Variants in TXNDC11 observed in about 807,000 individuals in gnomAD.
TXNDC11 encodes the protein thioredoxin domain containing 11.
In TXNDC11, 68 loss-of-function variants were observed where a neutral mutation model predicts 78.0. The observed-to-expected ratio is 0.87, with a 90% CI of 0.72 to 1.07. TXNDC11 has a LOEUF of 1.07. TXNDC11 is among the 50% of genes least tolerant of loss of function. The pLI, the probability that TXNDC11 is intolerant of heterozygous loss-of-function variation, is 0.00. For missense variants in TXNDC11, 1,389 were observed against 1,221.8 expected (o/e 1.14, Z -2.04); for synonymous variants, 571 against 495.2 (o/e 1.15, Z -2.03).
At position 11,691,401 on chromosome 16, in the gene TXNDC11, G is replaced by C. The variant is rs2050709797; in HGVS notation, c.1789C>G (p.Leu597Val). The C allele has an allele frequency of 1.2e-6, 2 of 1,614,090 alleles. No homozygotes were observed. Among genetic ancestry groups the C allele is most frequent in the African/African-American group, 2.7e-5 (2 of 74,942 alleles). Residue 597 changes from leucine to valine, a missense_variant, in exon 8 of 12, where the codon CTG becomes GTG. Coordinates refer to ENST00000283033, the MANE Select transcript of TXNDC11 (RefSeq NM_015914.7). ...ACCTGAGTGGAGCTCGGAGCACCCA[G>C]TCTCTCTGCATATAACCAAAACAAA... The part of the protein sequence containing the change: ...SNLFWLYAER[L>V]GAPSSTQVKE...
At chr16:11,689,087 C>CTTATTTTT (rs2050641339) in intron 8 of TXNDC11, among the ~76,000 whole-genome samples, 1 of 143,118 alleles carries the variant, frequency 7.0e-6, no homozygotes, top group African/African-American at 2.6e-5. Flanking sequence ...TTGAATTTCA[C>CTTATTTTT]TTTTTTTTTT....
At chr16:11,731,514 T>C (rs1004897274) in intron 3 of TXNDC11, among the ~76,000 whole-genome samples, 2 of 152,118 alleles carry the variant, frequency 1.3e-5, no homozygotes, top group East Asian at 1.9e-4. Flanking sequence ...CCAAATATAA[T>C]TGGATGGTAG....
At chr16:11,692,610 C>T (rs1191997130) in intron 7 of TXNDC11, among the ~76,000 whole-genome samples, 2 of 152,074 alleles carry the variant, frequency 1.3e-5, no homozygotes, top group Non-Finnish European at 2.9e-5. Flanking sequence ...AAGTGAAATT[C>T]GTGTGTAGTA....
At chr16:11,731,296 C>A (rs2052037165) in intron 3 of TXNDC11, among the ~76,000 whole-genome samples, 1 of 152,306 alleles carries the variant, frequency 6.6e-6, no homozygotes, top group South Asian at 2.1e-4. Context: ...CTATTTGAAG[C>A]TTTATTACAA....
intron 6 of TXNDC11, among the ~76,000 whole-genome samples, chr16:11,700,002 C>T (rs964159408): frequency 6.6e-6 from 1 of 152,222 alleles, no homozygotes; most frequent in African/African-American, 2.4e-5. Flanking sequence ...CAACTTCTCA[C>T]TGTGACTTGA....
At chr16:11,728,929 AGATGGAGAT>A (rs2051962846) in intron 4 of TXNDC11, among the ~76,000 whole-genome samples, 1 of 151,628 alleles carries the variant, frequency 6.6e-6, no homozygotes, top group Non-Finnish European at 1.5e-5. Context: ...TGAACCTGAG[AGATGGAGAT>A]TGCAGCGAGC....
At chr16:11,741,130 G>C (rs752944297) in intron 1 of TXNDC11, among the ~76,000 whole-genome samples, 60 of 152,098 alleles carry the variant, frequency 3.9e-4, no homozygotes, top group Admixed American at 9.2e-4. Context: ...ACAGTACCTG[G>C]CCTATGGAAA....
At chr16:11,741,291 T>C (rs117326464) in intron 1 of TXNDC11, among the ~76,000 whole-genome samples, 3,707 of 152,280 alleles carry the variant, frequency 0.024, 75 homozygotes, top group Non-Finnish European at 0.038. Context: ...ACAGATCTTA[T>C]AAACTGGAAT....
At position 11,742,622 on chromosome 16, in the gene TXNDC11, G is replaced by T. The variant is rs977073979; in HGVS notation, c.109C>A (p.Pro37Thr). 1.4e-6 allele frequency: 2 copies of T among 1,463,458 alleles called. No individual in the cohort carries two copies. The highest frequency in any genetic ancestry group is 1.5e-5 in the African/African-American group (1 of 67,868). The allele number at this position is 1,463,458 out of a possible 1,614,324, so 90.7% of individuals were successfully genotyped here. ...PAGSDCLSSS[P>T]TLATASSAGR... The stretch of plus-strand genomic sequence containing the variant: ...GCCGAGGACGCTGTGGCCAGGGTCG[G>T]GCTCGAGCTGAGGCAGTCTGAGCCC... The change falls in exon 1 of 12, where the codon CCG (proline) becomes ACG (threonine). Residue 37 changes from proline (P) to threonine (T), a missense_variant. Physicochemically the swap from Pro to Thr is conservative, Grantham distance 38. Coordinates refer to ENST00000283033, the MANE Select transcript of TXNDC11 (RefSeq NM_015914.7).
intron 5 of TXNDC11, among the ~76,000 whole-genome samples, chr16:11,714,731 G>C (rs944014461): frequency 6.6e-6 from 1 of 152,126 alleles, no homozygotes; most frequent in Admixed American, 6.5e-5. Flanking sequence ...TACCGACTCA[G>C]TTCTACAAGC....
At chr16:11,731,428 C>T (rs114848213) in intron 3 of TXNDC11, among the ~76,000 whole-genome samples, 1 of 152,278 alleles carries the variant, frequency 6.6e-6, no homozygotes, top group African/African-American at 2.4e-5. Context: ...GTGATACCAC[C>T]ACTATTCAGT....
At chr16:11,714,289 G>C (rs200065125) in intron 5 of TXNDC11, among the ~76,000 whole-genome samples, 1 of 152,184 alleles carries the variant, frequency 6.6e-6, no homozygotes, top group Non-Finnish European at 1.5e-5. Context: ...CTCGCAAAGT[G>C]CTAGGATTAC....
intron 10 of TXNDC11, among the ~76,000 whole-genome samples, chr16:11,685,648 CA>C (rs1375804851): frequency 0.014 from 1,969 of 142,146 alleles, 45 homozygotes; most frequent in African/African-American, 0.049. Context: ...GACTCCATCT[CA>C]AAAAAAAAAA....
chr16:11,692,089 T>TACA lies in TXNDC11; in HGVS notation c.1108-10_1108-8dup, dbSNP rs754285593. 5 of 1,519,864 alleles carry TACA rather than the reference T, an allele frequency of 3.3e-6. No homozygotes were observed. The highest frequency in any genetic ancestry group is 2.2e-5 in the Admixed American group (1 of 44,940). The allele number at this position is 1,519,864 out of a possible 1,614,324, so 94.1% of individuals were successfully genotyped here. A position where few individuals can be genotyped will look rare whatever the true frequency, so the allele number is the denominator to read the frequency against. On this transcript the variant is annotated splice_region_variant and splice_polypyrimidine_tract_variant and intron_variant, in intron 7 of 11. Coordinates refer to ENST00000283033, the MANE Select transcript of TXNDC11 (RefSeq NM_015914.7). ...CCAAGGCCACTTCGGTGATCTGAAATACAGGGCAGAGTTGGTGAAGGGCTT... is the reference window on the plus strand; with the variant it reads ...CCAAGGCCACTTCGGTGATCTGAAATACAACAGGGCAGAGTTGGTGAAGGGCTT...
At chr16:11,730,798 AAATAAAAAT>A (rs1473492560) in intron 3 of TXNDC11, 24 bp from the exon 4 acceptor site, 1 of 1,499,000 alleles carries the variant, frequency 6.7e-7, no homozygotes, top group Non-Finnish European at 8.9e-7. Context: ...ATAAAAATAA[AAATAAAAAT>A]AATAAAAATA....
chr16:11,708,109 T>C (rs1567321563), intron 5 of TXNDC11, among the ~76,000 whole-genome samples: 2 of 151,928 alleles, frequency 1.3e-5, no homozygotes, highest in African/African-American at 2.4e-5. Flanking sequence ...AAAAAGAAAA[T>C]TTTAAATTAG....
At chr16:11,717,298 C>A (rs753693313) in intron 5 of TXNDC11, among the ~76,000 whole-genome samples, 4 of 151,300 alleles carry the variant, frequency 2.6e-5, no homozygotes, top group African/African-American at 4.9e-5. Flanking sequence ...TGGTAGTGGG[C>A]GCAGTAGTGG....
chr16:11,713,430 T>C (rs899314358), intron 5 of TXNDC11, among the ~76,000 whole-genome samples: 4 of 152,180 alleles, frequency 2.6e-5, no homozygotes, highest in Non-Finnish European at 4.4e-5. Context: ...TTTTCCTTTT[T>C]TTTGAGACAG....
At chr16:11,720,395 A>G (rs977442520) in intron 5 of TXNDC11, among the ~76,000 whole-genome samples, 1 of 151,290 alleles carries the variant, frequency 6.6e-6, no homozygotes. Flanking sequence ...TATACACACA[A>G]AAAAAGATTA....
Sources: gnomAD v4.1 joint callset for allele counts (sites outside exome capture counted in the v4.1 genomes callset) on GRCh38, gnomAD v4.1.1 for gene constraint, MANE v1.5 for transcripts, NCBI Gene and HGNC (gene_info 2026-07-23, HGNC 2026-07-21) for gene names.